BAG2: variants seen among roughly 807,000 people sequenced by gnomAD.
BAG2 encodes the protein BAG cochaperone 2.
BAG2 carries 8 observed loss-of-function variants against 16.4 expected under a neutral mutation model. The ratio of observed to expected loss-of-function variants is 0.49; its 90% CI spans 0.29 to 0.88. BAG2 has a LOEUF of 0.88. BAG2 is among the 40% of genes least tolerant of loss of function. The pLI is 0.09. For synonymous variants in BAG2, 82 were observed against 89.2 expected (o/e 0.92, Z 0.46); for missense variants, 218 against 248.9 (o/e 0.88, Z 0.84).
At position 57,184,263 on chromosome 6, in the gene BAG2, A is replaced by C. The variant is rs1356268292; in HGVS notation, c.*73A>C. 5.2e-6 allele frequency: 7 copies of C among 1,340,740 alleles called. No individual in the cohort carries two copies. The highest frequency in any genetic ancestry group is 1.5e-5 in the African/African-American group (1 of 66,944). The allele number at this position is 1,340,740 out of a possible 1,614,324, so 83.1% of individuals were successfully genotyped here. A position where few individuals can be genotyped will look rare whatever the true frequency, so the allele number is the denominator to read the frequency against. ...TAAAATACTATTTTAATTGATAACT[A>C]GTTCTTTGTTAGGTATAACCACTTA... On this transcript the variant is annotated 3_prime_UTR_variant, in exon 3 of 3. Coordinates refer to ENST00000370693, the MANE Select transcript of BAG2 (RefSeq NM_004282.4).
chr6:57,182,155 C>A lies in BAG2; in HGVS notation c.223+14C>A. On this transcript the variant is annotated intron_variant, in intron 2 of 2. Coordinates refer to ENST00000370693, the MANE Select transcript of BAG2 (RefSeq NM_004282.4). ...AGATCAGTGACGGTGAGAGCCATCTCCACAGAAGGGGCTCATCTTTTACAC... is the reference window on the plus strand; with the variant it reads ...AGATCAGTGACGGTGAGAGCCATCTACACAGAAGGGGCTCATCTTTTACAC... The A allele has an allele frequency of 6.2e-7, 1 of 1,604,764 alleles. No homozygotes were observed. Among genetic ancestry groups the A allele is most frequent in the South Asian group, 1.1e-5 (1 of 90,758 alleles).
intron 2 of BAG2, 118 bp from the exon 3 acceptor site, chr6:57,183,660 C>T (rs9885757): frequency 0.24 from 195,632 of 821,040 alleles, 25,816 homozygotes; most frequent in African/African-American, 0.46. Flanking sequence ...GCTATAGTTT[C>T]AGCTTTTATC....
chr6:57,172,969 G>A (rs1300731905), intron 1 of BAG2, 159 bp downstream of exon 1: 7 of 695,292 alleles, frequency 1.0e-5, no homozygotes, highest in Non-Finnish European at 1.5e-5. Flanking sequence ...GATGGACGTG[G>A]TGTAGTTTTG....
intron 1 of BAG2, among the ~76,000 whole-genome samples, chr6:57,181,557 C>T (rs1764445103): frequency 6.6e-6 from 1 of 151,892 alleles, no homozygotes. Context: ...ATGGTGAAAC[C>T]CCGTCTCTAC....
At chr6:57,181,756 G>A (rs1311313056) in intron 1 of BAG2, among the ~76,000 whole-genome samples, 1 of 151,996 alleles carries the variant, frequency 6.6e-6, no homozygotes, top group South Asian at 2.1e-4. Context: ...AAAACAGAAT[G>A]AGATATAAAT....
chr6:57,173,240 A>G, intron 1 of BAG2: 9 of 986,570 alleles, frequency 9.1e-6, no homozygotes, highest in Non-Finnish European at 1.1e-5. Flanking sequence ...TTTTTAAGGG[A>G]GGCAGCAGTT....
At chr6:57,173,364 G>A (rs1056540234) in intron 1 of BAG2, 8 of 985,224 alleles carry the variant, frequency 8.1e-6, no homozygotes, top group Non-Finnish European at 9.6e-6. Context: ...TGAGGGGTAG[G>A]CAGTAAGTTA....
Position 57,184,122 on chromosome 6 carries a change from C to A in BAG2, c.568C>A (p.Leu190Ile). ...TGAAAACTCTGACAAGGCCATCAAG[C>A]TATTAGAGCATTCTAAAGGAGCTGG... ...NIENSDKAIK[L>I]LEHSKGAGSK... The change falls in exon 3 of 3, where the codon CTA (leucine) becomes ATA (isoleucine). Residue 190 changes from leucine to isoleucine, a missense_variant. Around this residue, in one of 3 missense-constraint regions of BAG2, gnomAD observed 113 missense variants for 128.0 expected, o/e 0.88. Coordinates refer to ENST00000370693, the MANE Select transcript of BAG2 (RefSeq NM_004282.4). The A allele has an allele frequency of 6.3e-7, 1 of 1,589,920 alleles. No homozygotes were observed. Among genetic ancestry groups the A allele is most frequent in the Non-Finnish European group, 8.5e-7 (1 of 1,173,656 alleles).
chr6:57,181,518 C>T (rs1211832218), intron 1 of BAG2, among the ~76,000 whole-genome samples: 1 of 151,756 alleles, frequency 6.6e-6, no homozygotes, highest in East Asian at 1.9e-4. Flanking sequence ...ATGGTGAAAC[C>T]CCAGGAGTTT....
At position 57,186,219 on chromosome 6, in the gene BAG2, A is replaced by G. The variant is rs9296862; in HGVS notation, c.*2029A>G. ...ACTATGGAGTATATGAGTTAGGGAA[A>G]AGAGACTGTGAAGGGAAGAGAACAA... On this transcript the variant is annotated 3_prime_UTR_variant, in exon 3 of 3. Transcript: ENST00000370693. 0.081 allele frequency: 12,358 copies of G among 152,248 alleles called. 596 individuals are homozygous for G. Among genetic ancestry groups the G allele is most frequent in the East Asian group, 0.095 (493 of 5,174 alleles). 9.4% of individuals were successfully genotyped at this position (152,248 alleles called of 1,614,324 possible).
At chr6:57,182,621 A>G (rs1349980550) in intron 2 of BAG2, among the ~76,000 whole-genome samples, 4 of 151,898 alleles carry the variant, frequency 2.6e-5, no homozygotes. Flanking sequence ...TAGGACCAAT[A>G]AAAGGCATGA....
chr6:57,175,959 G>C (rs1764273798), intron 1 of BAG2, among the ~76,000 whole-genome samples: 1 of 152,184 alleles, frequency 6.6e-6, no homozygotes, highest in Admixed American at 6.5e-5. Context: ...GTGGAGGGTG[G>C]GGTCTTGGGG....
rs888029457 is a variant in BAG2, at chr6:57,172,497, G to A, written c.-201G>A. 21 of 416,560 alleles carry A rather than the reference G, an allele frequency of 5.0e-5. No individual in the cohort carries two copies. The highest frequency in any genetic ancestry group is 4.2e-4 in the African/African-American group (20 of 47,614). 25.8% of individuals were successfully genotyped at this position (416,560 alleles called of 1,614,324 possible). ...CCCCTCCCAGGCCCGGCGTCCCCGAGCCCCGCGGGCGCCGCGCCTGCCCTT... is the reference window on the plus strand; with the variant it reads ...CCCCTCCCAGGCCCGGCGTCCCCGAACCCCGCGGGCGCCGCGCCTGCCCTT... On this transcript the variant is annotated 5_prime_UTR_variant, in exon 1 of 3. Coordinates refer to ENST00000370693, the MANE Select transcript of BAG2 (RefSeq NM_004282.4).
At chr6:57,176,699 A>T (rs1357730907) in intron 1 of BAG2, among the ~76,000 whole-genome samples, 1 of 152,238 alleles carries the variant, frequency 6.6e-6, no homozygotes, top group Non-Finnish European at 1.5e-5. Context: ...GATAGGGATC[A>T]TTCGTCTGGC....
chr6:57,172,832 T>C (rs765221787), intron 1 of BAG2, 22 bp downstream of exon 1: 1 of 1,463,022 alleles, frequency 6.8e-7, no homozygotes, highest in Non-Finnish European at 9.1e-7. Flanking sequence ...GCGGGCGGTC[T>C]CGGGCGTTCT....
rs77917858 is a variant in BAG2, at chr6:57,174,368, T to C, written c.113+1558T>C. The C allele has an allele frequency of 3.8e-5, 49 of 1,304,250 alleles. 2 individuals are homozygous for C. The East Asian group carries it at 2.7e-3, about 71-fold the overall frequency. The allele number at this position is 1,304,250 out of a possible 1,614,324, so 80.8% of individuals were successfully genotyped here. On this transcript the variant is annotated intron_variant, in intron 1 of 2. Transcript: ENST00000370693. ...CTTCCTTCAAGCTGAGTCATTGTCC[T>C]CCAACTTGAATTAATGCCTCACATG...
intron 1 of BAG2, among the ~76,000 whole-genome samples, chr6:57,181,082 G>A (rs962435605): frequency 2.0e-5 from 3 of 152,224 alleles, no homozygotes; most frequent in Non-Finnish European, 2.9e-5. Context: ...GGAAAATGCA[G>A]AATGTTGGTA....
intron 1 of BAG2, among the ~76,000 whole-genome samples, chr6:57,181,624 C>A (rs145296368): frequency 6.6e-6 from 1 of 151,928 alleles, no homozygotes; most frequent in Non-Finnish European, 1.5e-5. Context: ...CACTTGAAAG[C>A]GGGAGGTGGA....
chr6:57,183,668 A>C, intron 2 of BAG2, 110 bp from the exon 3 acceptor site: 1 of 951,158 alleles, frequency 1.1e-6, no homozygotes, highest in Non-Finnish European at 1.5e-6. Flanking sequence ...TTCAGCTTTT[A>C]TCTCTAAAAA....
Sources: gnomAD v4.1 joint callset for allele counts (sites outside exome capture counted in the v4.1 genomes callset) on GRCh38, gnomAD v4.1.1 for gene constraint, gnomAD v4.1.1 regional missense constraint, MANE v1.5 for transcripts, NCBI Gene and HGNC (gene_info 2026-07-23, HGNC 2026-07-21) for gene names.